DNER: variants seen among roughly 807,000 people sequenced by gnomAD.
DNER encodes delta and Notch-like epidermal growth factor-related receptor.
Under a neutral mutation model 78.2 loss-of-function variants are expected in DNER, and 33 were observed. That is an observed-to-expected ratio of 0.42 (90% CI 0.32 to 0.56). DNER has a LOEUF of 0.56. Among genes scored for constraint, DNER ranks in the 20% least tolerant of loss-of-function variants. DNER has a pLI of 0.11. For synonymous variants in DNER, 417 were observed against 384.8 expected (o/e 1.08, Z -0.98); for missense variants, 918 against 975.3 (o/e 0.94, Z 0.78).
intron 11 of DNER, among the ~76,000 whole-genome samples, chr2:229,384,283 C>T (rs1040093789): frequency 6.6e-6 from 1 of 152,184 alleles, no homozygotes; most frequent in African/African-American, 2.4e-5. Context: ...AAATTTATAG[C>T]ACTAAATCCC....
chr2:229,419,907 G>A (rs1693728750), intron 8 of DNER, among the ~76,000 whole-genome samples: 1 of 147,828 alleles, frequency 6.8e-6, no homozygotes. Flanking sequence ...CAGGGGGAGG[G>A]GTTGCTGCTG....
chr2:229,595,643 T>A lies in DNER; in HGVS notation c.277-3755A>T, dbSNP rs920230872. On this transcript the variant is annotated intron_variant, in intron 1 of 12. Coordinates refer to ENST00000341772, the MANE Select transcript of DNER (RefSeq NM_139072.4). ...TGTGCCTGCCCTAGTCTCCCTGACC[T>A]CACCTCCTGCCCCTGACCTCCCTCA... 3.9e-5 allele frequency among the ~76,000 whole-genome samples: 6 copies of A among 152,286 alleles called. No homozygotes were observed. In the East Asian group the frequency reaches 1.2e-3, roughly 29 times the overall value.
chr2:229,599,792 TAAAC>T (rs150543993), intron 1 of DNER, among the ~76,000 whole-genome samples: 1 of 152,216 alleles, frequency 6.6e-6, no homozygotes, highest in East Asian at 1.9e-4. Flanking sequence ...GGCAAAGAAA[TAAAC>T]AAGCAATCTA....
chr2:229,639,255 A>G (rs1198013239), intron 1 of DNER, among the ~76,000 whole-genome samples: 2 of 152,040 alleles, frequency 1.3e-5, no homozygotes, highest in African/African-American at 4.8e-5. Context: ...CAACCATTTT[A>G]TTTGTTTGTT....
chr2:229,527,414 C>T (rs1261667674), intron 5 of DNER, among the ~76,000 whole-genome samples: 1 of 152,226 alleles, frequency 6.6e-6, no homozygotes, highest in Admixed American at 6.5e-5. Context: ...AACCAACCCC[C>T]AACTAAGCTG....
chr2:229,606,619 G>T (rs376801169), intron 1 of DNER, among the ~76,000 whole-genome samples: 56 of 152,240 alleles, frequency 3.7e-4, no homozygotes, highest in Non-Finnish European at 4.9e-4. Context: ...AGGGCCAGGC[G>T]CAGTGGCTCA....
rs535943158 is a variant in DNER, at chr2:229,371,047, G to A, written c.1856-3928C>T. On this transcript the variant is annotated intron_variant, in intron 11 of 12. Coordinates refer to ENST00000341772, the MANE Select transcript of DNER (RefSeq NM_139072.4). ...GTATTCCAAGCTGTTCGGACTTTTG[G>A]AAAAACTTTCTCAAGATTTCTCCTA... 5.3e-5 allele frequency among the ~76,000 whole-genome samples: 8 copies of A among 152,266 alleles called. No individual in the cohort carries two copies. In the South Asian group the frequency reaches 1.7e-3, roughly 32 times the overall value.
At chr2:229,428,644 G>C (rs959853152) in intron 8 of DNER, among the ~76,000 whole-genome samples, 27 of 149,762 alleles carry the variant, frequency 1.8e-4, no homozygotes, top group African/African-American at 6.6e-4. Flanking sequence ...GAATTGACAG[G>C]TTCTCCCAGA....
chr2:229,544,761 T>G (rs1696586973), intron 5 of DNER, among the ~76,000 whole-genome samples: 1 of 152,150 alleles, frequency 6.6e-6, no homozygotes, highest in African/African-American at 2.4e-5. Context: ...CTCGAACTAC[T>G]GACCTCAGGT....
intron 8 of DNER, among the ~76,000 whole-genome samples, chr2:229,428,531 C>A (rs1268799894): frequency 6.6e-6 from 1 of 151,720 alleles, no homozygotes; most frequent in Non-Finnish European, 1.5e-5. Context: ...CTTCTAGGCA[C>A]TTTAAAATAC....
rs534031170 is a variant in DNER at position 229,525,136 on chromosome 2, C to T, written c.994-12200G>A. Reference sequence around the variant, plus strand: ...TCACAGGCTGCAGCTAAAAAATATGCGTGTGTCTCAACGCCCATCTTTAGC... The same window carrying T: ...TCACAGGCTGCAGCTAAAAAATATGTGTGTGTCTCAACGCCCATCTTTAGC... On this transcript the variant is annotated intron_variant, in intron 5 of 12. Transcript: ENST00000341772. Among the ~76,000 whole-genome samples the T allele has an allele frequency of 1.6e-4, 25 of 152,316 alleles. 2 individuals carry two copies. The South Asian group carries it at 3.7e-3, about 23-fold the overall frequency.
At chr2:229,497,951 G>A (rs1695533822) in intron 6 of DNER, among the ~76,000 whole-genome samples, 1 of 150,920 alleles carries the variant, frequency 6.6e-6, no homozygotes, top group Non-Finnish European at 1.5e-5. Flanking sequence ...GCGTTACCCT[G>A]ATACCAAAGC....
intron 1 of DNER, among the ~76,000 whole-genome samples, chr2:229,703,922 GAA>G (rs3085663): frequency 0.29 from 41,416 of 143,598 alleles, 6,543 homozygotes; most frequent in Non-Finnish European, 0.37. Flanking sequence ...GAGAGAAAAA[GAA>G]AAAAAAAAAA....
At position 229,427,136 on chromosome 2, in the gene DNER, G is replaced by A. The variant is rs535642855; in HGVS notation, c.1487-8906C>T. Among the ~76,000 whole-genome samples the A allele has an allele frequency of 4.6e-5, 7 of 152,328 alleles. No individual in the cohort carries two copies. The East Asian group carries it at 1.2e-3, about 25-fold the overall frequency. ...AGAGGCTAAATTAAAGTTTTTGACT[G>A]TAAAACCTCCCTATTATTTATGTTA... On this transcript the variant is annotated intron_variant, in intron 8 of 12. Coordinates refer to ENST00000341772, the MANE Select transcript of DNER (RefSeq NM_139072.4).
chr2:229,628,886 C>T (rs1048677084), intron 1 of DNER, among the ~76,000 whole-genome samples: 7 of 152,196 alleles, frequency 4.6e-5, no homozygotes, highest in Admixed American at 2.6e-4. Flanking sequence ...TGACCACTGA[C>T]GTTTCCATCT....
intron 1 of DNER, among the ~76,000 whole-genome samples, chr2:229,710,981 GCGCA>G (rs935144155): frequency 1.4e-4 from 11 of 80,698 alleles, no homozygotes; most frequent in Middle Eastern, 5.3e-3. Context: ...ATGCATACAC[GCGCA>G]CACACACACA....
intron 5 of DNER, among the ~76,000 whole-genome samples, chr2:229,527,001 A>G (rs1444573953): frequency 6.6e-6 from 1 of 151,708 alleles, no homozygotes; most frequent in East Asian, 1.9e-4. Context: ...GTGGAAGGCA[A>G]GCTCAAATTC....
intron 1 of DNER, 22 bp downstream of exon 1, chr2:229,714,126 C>A: frequency 1.6e-6 from 2 of 1,287,714 alleles, no homozygotes; most frequent in South Asian, 2.3e-5. Context: ...CGCCCCGCAC[C>A]GCGCCCGCCG....
chr2:229,436,538 C>T (rs1426541795), intron 8 of DNER, among the ~76,000 whole-genome samples: 1 of 152,090 alleles, frequency 6.6e-6, no homozygotes, highest in Non-Finnish European at 1.5e-5. Context: ...ATGTTAAAGG[C>T]AGCTAGAGAG....
Sources: gnomAD v4.1 joint callset for allele counts (sites outside exome capture counted in the v4.1 genomes callset) on GRCh38, gnomAD v4.1.1 for gene constraint, MANE v1.5 for transcripts, NCBI Gene and HGNC (gene_info 2026-07-23, HGNC 2026-07-21) for gene names.